KCNN2: variants seen among roughly 807,000 people sequenced by gnomAD.
The protein encoded by KCNN2 is small conductance calcium-activated potassium channel protein 2.
Under a neutral mutation model 55.5 loss-of-function variants are expected in KCNN2, and 24 were observed. That is an observed-to-expected ratio of 0.43 (90% CI 0.31 to 0.61). KCNN2 has a LOEUF of 0.61. KCNN2 is among the 20% of genes least tolerant of loss of function. The pLI, the probability that KCNN2 is intolerant of heterozygous loss-of-function variation, is 0.08. For synonymous variants in KCNN2, 431 were observed against 336.1 expected (o/e 1.28, Z -3.09); for missense variants, 754 against 853.6 (o/e 0.88, Z 1.45).
chr5:114,409,050 G>GGGATTTAGTCTCA (rs1759036046), intron 3 of KCNN2, among the ~76,000 whole-genome samples: 1 of 152,166 alleles, frequency 6.6e-6, no homozygotes, highest in Non-Finnish European at 1.5e-5. Context: ...CCAAAACTCT[G>GGGATTTAGTCTCA]GATTGGGACA....
chr5:114,278,552 C>T (rs947894153), intron 2 of KCNN2, among the ~76,000 whole-genome samples: 29 of 152,232 alleles, frequency 1.9e-4, no homozygotes, highest in Non-Finnish European at 2.9e-4. Context: ...GAACATAGAA[C>T]CACCTACTTA....
intron 3 of KCNN2, among the ~76,000 whole-genome samples, chr5:114,428,856 T>G (rs1202181435): frequency 6.6e-6 from 1 of 152,120 alleles, no homozygotes; most frequent in Non-Finnish European, 1.5e-5. Context: ...TTCTTTCACT[T>G]AGCAATATGC....
chr5:114,375,945 TCA>T (rs1402698061), intron 2 of KCNN2, among the ~76,000 whole-genome samples: 3 of 131,016 alleles, frequency 2.3e-5, no homozygotes, highest in South Asian at 2.5e-4. Flanking sequence ...AAAAAAAGAC[TCA>T]CAGTGTATAT....
At chr5:114,121,077 C>T (rs1751822463) in intron 1 of KCNN2, among the ~76,000 whole-genome samples, 1 of 152,326 alleles carries the variant, frequency 6.6e-6, no homozygotes, top group African/African-American at 2.4e-5. Flanking sequence ...TAGTGCCATC[C>T]AGTCAGGGTG....
At chr5:114,470,884 T>A (rs1312231214) in intron 4 of KCNN2, among the ~76,000 whole-genome samples, 2 of 152,154 alleles carry the variant, frequency 1.3e-5, no homozygotes, top group African/African-American at 4.8e-5. Flanking sequence ...CTGGGTTTTA[T>A]CCCTGGAGAT....
chr5:114,162,154 T>G (rs1395423014), intron 1 of KCNN2, among the ~76,000 whole-genome samples: 1 of 152,180 alleles, frequency 6.6e-6, no homozygotes, highest in African/African-American at 2.4e-5. Flanking sequence ...TGGTCTTTGA[T>G]GATGGTGATG....
intron 5 of KCNN2, among the ~76,000 whole-genome samples, chr5:114,480,584 T>C (rs1349900897): frequency 6.6e-6 from 1 of 152,150 alleles, no homozygotes; most frequent in Non-Finnish European, 1.5e-5. Flanking sequence ...AATATCTCAA[T>C]ATCCTTGGTG....
intron 1 of KCNN2, among the ~76,000 whole-genome samples, chr5:114,158,289 G>C (rs1270981022): frequency 6.6e-6 from 1 of 152,146 alleles, no homozygotes. Context: ...TTTTTGCCAG[G>C]TTTGTCAAAG....
intron 2 of KCNN2, among the ~76,000 whole-genome samples, chr5:114,304,538 C>A (rs1213983183): frequency 6.6e-6 from 1 of 152,214 alleles, no homozygotes; most frequent in African/African-American, 2.4e-5. Flanking sequence ...TTGACCAGGG[C>A]AGACTAGCGT....
At chr5:114,072,060 A>T (rs185171407) in intron 1 of KCNN2, among the ~76,000 whole-genome samples, 1 of 152,318 alleles carries the variant, frequency 6.6e-6, no homozygotes, top group East Asian at 1.9e-4. Context: ...TGGGAGGCCA[A>T]GGTGGGTGGA....
chr5:114,340,781 C>A (rs1757002701), intron 2 of KCNN2, among the ~76,000 whole-genome samples: 1 of 152,102 alleles, frequency 6.6e-6, no homozygotes, highest in Non-Finnish European at 1.5e-5. Flanking sequence ...GTACTATAGT[C>A]TCCAGAAATT....
chr5:114,280,425 T>C (rs555392851), intron 2 of KCNN2, among the ~76,000 whole-genome samples: 1 of 152,324 alleles, frequency 6.6e-6, no homozygotes, highest in African/African-American at 2.4e-5. Context: ...AGGATTTTTA[T>C]GGTTTTAGGT....
intron 1 of KCNN2, among the ~76,000 whole-genome samples, chr5:114,194,763 A>T (rs1753517813): frequency 6.6e-6 from 1 of 151,976 alleles, no homozygotes; most frequent in Non-Finnish European, 1.5e-5. Context: ...TGCCTAAACA[A>T]CTGTATTGTA....
intron 2 of KCNN2, among the ~76,000 whole-genome samples, chr5:114,249,017 T>C (rs1471488318): frequency 6.6e-6 from 1 of 152,164 alleles, no homozygotes; most frequent in Non-Finnish European, 1.5e-5. Flanking sequence ...GTACAGGGTG[T>C]TACCATATTG....
At chr5:114,282,708 G>A (rs1755647869) in intron 2 of KCNN2, among the ~76,000 whole-genome samples, 1 of 152,120 alleles carries the variant, frequency 6.6e-6, no homozygotes, top group South Asian at 2.1e-4. Context: ...AGATCAGAGA[G>A]AGCTCTGTCT....
intron 2 of KCNN2, among the ~76,000 whole-genome samples, chr5:114,383,182 G>A (rs1358447096): frequency 6.6e-6 from 1 of 152,102 alleles, no homozygotes; most frequent in African/African-American, 2.4e-5. Context: ...TGAAGGGTTT[G>A]CATAAGTTTT....
chr5:114,162,994 ACTGCACCCACTGTT>A (rs1345950578), intron 1 of KCNN2, among the ~76,000 whole-genome samples: 4 of 152,068 alleles, frequency 2.6e-5, no homozygotes, highest in African/African-American at 4.8e-5. Flanking sequence ...TGCACGGTGC[ACTGCACCCACTGTT>A]CTGCACCCAC....
chr5:114,073,568 C>T (rs2954377), intron 1 of KCNN2, among the ~76,000 whole-genome samples: 117,723 of 151,990 alleles, frequency 0.77, 45,642 homozygotes, highest in African/African-American at 0.85. Flanking sequence ...AAATCTATGG[C>T]TTCTGCCTAT....
intron 2 of KCNN2, among the ~76,000 whole-genome samples, chr5:114,274,743 G>A (rs528905797): frequency 5.3e-5 from 8 of 152,228 alleles, no homozygotes; most frequent in East Asian, 3.9e-4. Context: ...GGGATGAGAC[G>A]ATGGAGTTTT....
Sources: allele counts gnomAD v4.1 joint callset (sites outside exome capture counted in the v4.1 genomes callset), GRCh38; gene constraint gnomAD v4.1.1; transcripts MANE v1.5; gene names NCBI Gene and HGNC (gene_info 2026-07-23, HGNC 2026-07-21).